Variants in STPG2 observed in about 807,000 individuals in gnomAD.
The protein encoded by STPG2 is sperm-tail PG-rich repeat-containing protein 2.
STPG2 carries 56 observed loss-of-function variants against 54.2 expected under a neutral mutation model. The ratio of observed to expected loss-of-function variants is 1.03; its 90% confidence interval spans 0.83 to 1.29. The LOEUF is 1.29. STPG2 is among the 50% of genes most tolerant of loss of function. STPG2 has a pLI of 0.00. For synonymous variants in STPG2, 200 were observed against 181.8 expected (o/e 1.10, Z -0.81); for missense variants, 596 against 544.9 (o/e 1.09, Z -0.93).
chr4:97,589,686 C>T (rs1041797847), intron 10 of STPG2, among the ~76,000 whole-genome samples: 1 of 152,120 alleles, frequency 6.6e-6, no homozygotes, highest in African/African-American at 2.4e-5. Context: ...TAATGTGCCA[C>T]GTCATGAATG....
chr4:97,470,641 T>C (rs898921340), intron 4 of STPG2, among the ~76,000 whole-genome samples: 2 of 152,114 alleles, frequency 1.3e-5, no homozygotes, highest in Non-Finnish European at 2.9e-5. Context: ...ACAACAATAA[T>C]AATAAAACAA....
intron 8 of STPG2, among the ~76,000 whole-genome samples, chr4:97,899,916 G>T (rs185836748): frequency 1.3e-4 from 20 of 152,162 alleles, no homozygotes; most frequent in African/African-American, 4.8e-4. Flanking sequence ...AATGGGCAAA[G>T]ATTTCATGAC....
chr4:97,700,267 C>T (rs554714937), intron 10 of STPG2, among the ~76,000 whole-genome samples: 6 of 152,306 alleles, frequency 3.9e-5, no homozygotes, highest in Admixed American at 3.3e-4. Context: ...GCAGCTTGTA[C>T]AGTAGCCTGG....
At chr4:97,812,632 T>G (rs1727776747) in intron 9 of STPG2, among the ~76,000 whole-genome samples, 2 of 152,142 alleles carry the variant, frequency 1.3e-5, no homozygotes, top group African/African-American at 4.8e-5. Flanking sequence ...AATATACGTC[T>G]AGTCTATATT....
At chr4:97,503,140 G>C (rs1251925717) in intron 4 of STPG2, among the ~76,000 whole-genome samples, 1 of 151,724 alleles carries the variant, frequency 6.6e-6, no homozygotes, top group African/African-American at 2.4e-5. Flanking sequence ...ATGATTAATG[G>C]GATCCCTGAA....
chr4:97,720,301 T>C (rs2149014997), intron 9 of STPG2, among the ~76,000 whole-genome samples: 1 of 152,068 alleles, frequency 6.6e-6, no homozygotes, highest in South Asian at 2.1e-4. Context: ...TCATAAGCTA[T>C]AAAATGAGTA....
chr4:97,787,336 T>C (rs1726858055), intron 9 of STPG2, among the ~76,000 whole-genome samples: 1 of 152,138 alleles, frequency 6.6e-6, no homozygotes, highest in African/African-American at 2.4e-5. Context: ...GAATTTTTAA[T>C]ATTAATCAGA....
chr4:98,073,155 A>C (rs186054367), intron 5 of STPG2, among the ~76,000 whole-genome samples: 91 of 152,244 alleles, frequency 6.0e-4, no homozygotes, highest in African/African-American at 2.0e-3. Context: ...TAATACTGCT[A>C]GATAAAAGAG....
At chr4:97,612,168 T>A (rs1278374825) in intron 10 of STPG2, among the ~76,000 whole-genome samples, 1 of 151,186 alleles carries the variant, frequency 6.6e-6, no homozygotes, top group East Asian at 1.9e-4. Flanking sequence ...AATAAATATT[T>A]AAGAATGGCA....
chr4:97,795,841 C>T (rs1727155616), intron 9 of STPG2, among the ~76,000 whole-genome samples: 1 of 152,148 alleles, frequency 6.6e-6, no homozygotes, highest in African/African-American at 2.4e-5. Flanking sequence ...TCCTATTTCT[C>T]CACATCCTTT....
intron 5 of STPG2, among the ~76,000 whole-genome samples, chr4:97,994,315 C>G (rs1263147760): frequency 6.6e-6 from 1 of 152,128 alleles, no homozygotes; most frequent in Non-Finnish European, 1.5e-5. Context: ...TTTTATTCCA[C>G]TGTGGTCTGA....
intron 10 of STPG2, among the ~76,000 whole-genome samples, chr4:97,635,804 A>G (rs1266593435): frequency 6.6e-6 from 1 of 152,000 alleles, no homozygotes; most frequent in African/African-American, 2.4e-5. Context: ...TCCTAAATAT[A>G]TATGCACCCA....
intron 10 of STPG2, among the ~76,000 whole-genome samples, chr4:97,620,194 G>A (rs1231829255): frequency 1.3e-5 from 2 of 152,092 alleles, no homozygotes; most frequent in South Asian, 2.1e-4. Flanking sequence ...GGTAGGTTCC[G>A]AAATAACATT....
At chr4:97,630,823 GAAT>G (rs1249450092) in intron 10 of STPG2, among the ~76,000 whole-genome samples, 17 of 151,190 alleles carry the variant, frequency 1.1e-4, no homozygotes, top group Admixed American at 4.6e-4. Context: ...ATACAACAAA[GAAT>G]AATATTATGT....
intron 5 of STPG2, among the ~76,000 whole-genome samples, chr4:98,017,116 G>A (rs1241886004): frequency 1.3e-5 from 2 of 152,212 alleles, no homozygotes; most frequent in Admixed American, 6.5e-5. Context: ...GTTGGACCTG[G>A]AGCCTGAATC....
intron 7 of STPG2, among the ~76,000 whole-genome samples, chr4:97,946,192 C>T (rs1428563355): frequency 6.6e-6 from 1 of 152,060 alleles, no homozygotes; most frequent in Non-Finnish European, 1.5e-5. Flanking sequence ...ATTTGTATAT[C>T]TTCTTTTAAT....
At chr4:97,656,945 A>T (rs900661215) in intron 10 of STPG2, among the ~76,000 whole-genome samples, 4 of 152,020 alleles carry the variant, frequency 2.6e-5, no homozygotes, top group Non-Finnish European at 5.9e-5. Context: ...GTTGTTACAC[A>T]TGATTTAAAA....
chr4:97,456,090 TAAG>T (rs1428336398), intron 4 of STPG2, among the ~76,000 whole-genome samples: 2 of 152,108 alleles, frequency 1.3e-5, no homozygotes, highest in African/African-American at 2.4e-5. Flanking sequence ...GTCAAGAAAA[TAAG>T]AAGACTAGCT....
intron 5 of STPG2, among the ~76,000 whole-genome samples, chr4:98,105,612 G>C (rs986524557): frequency 3.7e-4 from 56 of 151,774 alleles, no homozygotes; most frequent in Admixed American, 3.3e-4. Context: ...CATCTGACTG[G>C]GTCAGAAAAA....
Sources: gnomAD v4.1 joint callset for allele counts (sites outside exome capture counted in the v4.1 genomes callset) on GRCh38, gnomAD v4.1.1 for gene constraint, MANE v1.5 for transcripts, NCBI Gene and HGNC (gene_info 2026-07-23, HGNC 2026-07-21) for gene names.